The following C1orf146 variants were observed in gnomAD, a reference collection of about 807,000 sequenced individuals.
The protein encoded by C1orf146 is chromosome 1 open reading frame 146, also known as protein SPO16 homolog.
In C1orf146, 22 loss-of-function variants were observed where a neutral mutation model predicts 23.0. The ratio of observed to expected loss-of-function variants is 0.96; its 90% CI spans 0.68 to 1.36. The LOEUF is 1.36. C1orf146 is among the 40% of genes most tolerant of loss of function. The pLI is 0.00. For missense variants in C1orf146, 199 were observed against 206.8 expected, an observed-to-expected ratio of 0.96 and a Z score of 0.23; for synonymous variants, 59 against 65.3, an observed-to-expected ratio of 0.90 and a Z score of 0.47.
In C1orf146 at chr1:92,229,179, G is replaced by T. The variant is rs1032895874; in HGVS notation, c.-39-2203G>T. 9 of 534,696 alleles carry T rather than the reference G, an allele frequency of 1.7e-5. No homozygotes were observed. The Admixed American group carries it at 1.8e-4, about 11-fold the overall frequency. The allele number at this position is 534,696 out of a possible 1,614,324, so 33.1% of individuals were successfully genotyped here. On this transcript the variant is annotated intron_variant, in intron 1 of 5. Transcript: ENST00000370375. ...GATCTTGATCTTCATGGTGCTAGGT[G>T]CCAGGGCAGTGATTGCCTTCTGCAT...
chr1:92,244,298 T>C lies in C1orf146; in HGVS notation c.242T>C (p.Ile81Thr). 6.2e-7 allele frequency: 1 copy of C among 1,611,428 alleles called. No homozygotes were observed. Among genetic ancestry groups the C allele is most frequent in the Non-Finnish European group, 8.5e-7 (1 of 1,177,886 alleles). Residue 81 changes from isoleucine (I) to threonine (T), a missense_variant, in exon 4 of 6, where the codon ATT becomes ACT. Transcript: ENST00000370375. The stretch of plus-strand genomic sequence containing the variant: ...TTTCTAGCCAAAATTGAGAAATTTA[T>C]TAACATTCACCAAAATAGTTTTTTG... ...EIFLAKIEKFINIHQNSFLVL... is the reference protein window; with the variant it reads ...EIFLAKIEKFTNIHQNSFLVL...
intron 1 of C1orf146, among the ~76,000 whole-genome samples, chr1:92,230,765 C>T (rs1386527281): frequency 6.6e-6 from 1 of 152,006 alleles, no homozygotes; most frequent in Admixed American, 6.6e-5. Flanking sequence ...GAGTGAGACC[C>T]TCTTTAAAAA....
chr1:92,235,087 G>A (rs1474431269), intron 2 of C1orf146, among the ~76,000 whole-genome samples: 1 of 151,790 alleles, frequency 6.6e-6, no homozygotes, highest in African/African-American at 2.4e-5. Flanking sequence ...TTTTTTGAAG[G>A]GTTTTTTGTG....
chr1:92,244,951 A>C, intron 5 of C1orf146, 94 bp downstream of exon 5: 149 of 723,344 alleles, frequency 2.1e-4, no homozygotes, highest in East Asian at 3.0e-4. Flanking sequence ...GGCAAATATC[A>C]TGCTTCTGTT....
Position 92,242,217 on chromosome 1 carries a change from T to C in C1orf146, c.72T>C (p.Tyr24=), listed in dbSNP as rs772856385. The change falls in exon 3 of 6, where the codon TAT becomes TAC. Residue 24 remains tyrosine (Y), a synonymous_variant. Transcript: ENST00000370375. ...TCTGATATTTTTTAAAAAAGAGTTA[T>C]GAAGTTGCAACTGCCCTAGAAAATC... ...TIIISSSLKS[Y]EVATALENRS... 1.3e-5 allele frequency: 21 copies of C among 1,571,192 alleles called. No individual in the cohort carries two copies. The highest frequency in any genetic ancestry group is 1.7e-5 in the Admixed American group (1 of 57,244).
chr1:92,244,198 T>C lies in C1orf146; in HGVS notation c.161-19T>C, dbSNP rs200386451. The C allele has an allele frequency of 3.2e-3, 4,970 of 1,532,864 alleles. 26 individuals carry two copies. The highest frequency in any genetic ancestry group is 0.012 in the Middle Eastern group (59 of 5,100). 95.0% of individuals were successfully genotyped at this position (1,532,864 alleles called of 1,614,324 possible). ...CTCTATAACAAAGTGACATTTTATATTCAATTCACCTTTCCTAGGAGTTGC... is the reference window on the plus strand; with the variant it reads ...CTCTATAACAAAGTGACATTTTATACTCAATTCACCTTTCCTAGGAGTTGC... On this transcript the variant is annotated intron_variant, in intron 3 of 5. Transcript: ENST00000370375.
At chr1:92,230,197 C>T (rs955305387) in intron 1 of C1orf146, among the ~76,000 whole-genome samples, 1 of 151,920 alleles carries the variant, frequency 6.6e-6, no homozygotes, top group Non-Finnish European at 1.5e-5. Context: ...GGTGCAGTGG[C>T]TCACACTTGT....
At chr1:92,240,095 G>A (rs1414018568) in intron 2 of C1orf146, among the ~76,000 whole-genome samples, 1 of 152,200 alleles carries the variant, frequency 6.6e-6, no homozygotes, top group African/African-American at 2.4e-5. Flanking sequence ...GAGTGCTTCT[G>A]CAAGGTGCTT....
intron 3 of C1orf146, among the ~76,000 whole-genome samples, chr1:92,243,417 G>A (rs1466028137): frequency 2.0e-5 from 3 of 151,886 alleles, no homozygotes; most frequent in Non-Finnish European, 2.9e-5. Flanking sequence ...TGTGATCTCA[G>A]CTCACTGCAA....
chr1:92,233,787 G>T (rs1375037220), intron 2 of C1orf146, among the ~76,000 whole-genome samples: 3 of 152,094 alleles, frequency 2.0e-5, no homozygotes, highest in Non-Finnish European at 2.9e-5. Flanking sequence ...TAATTTCATT[G>T]AGCAGTGGTT....
chr1:92,244,490 T>C (rs1652519502), intron 4 of C1orf146, 105 bp downstream of exon 4: 2 of 843,176 alleles, frequency 2.4e-6, no homozygotes, highest in Admixed American at 5.8e-5. Flanking sequence ...AACACTGTGA[T>C]GTTAACCTAT....
chr1:92,234,505 C>T (rs1172411302), intron 2 of C1orf146, among the ~76,000 whole-genome samples: 3 of 152,126 alleles, frequency 2.0e-5, no homozygotes, highest in African/African-American at 7.2e-5. Context: ...CTGCTGCATT[C>T]GGTTTGCCAG....
At chr1:92,243,122 A>G (rs192770669) in intron 3 of C1orf146, among the ~76,000 whole-genome samples, 2 of 152,318 alleles carry the variant, frequency 1.3e-5, no homozygotes, top group Admixed American at 6.5e-5. Context: ...AAATCTAACA[A>G]AAAATTTACT....
intron 2 of C1orf146, among the ~76,000 whole-genome samples, chr1:92,236,042 G>T (rs566925908): frequency 3.3e-5 from 5 of 152,132 alleles, no homozygotes; most frequent in Admixed American, 2.6e-4. Flanking sequence ...ACAGCACACC[G>T]ATGGGTCTTG....
intron 1 of C1orf146, chr1:92,229,449 G>T: frequency 2.0e-6 from 1 of 508,516 alleles, no homozygotes; most frequent in Non-Finnish European, 3.9e-6. Flanking sequence ...TTTGTCATCA[G>T]CTGTAGCTGT....
intron 1 of C1orf146, chr1:92,229,339 C>T (rs1291680028): frequency 7.3e-6 from 4 of 546,524 alleles, no homozygotes; most frequent in Non-Finnish European, 1.5e-5. Flanking sequence ...GATTCCATGC[C>T]CAGGAAGGAA....
chr1:92,218,813 G>T (rs1233059937), intron 1 of C1orf146, among the ~76,000 whole-genome samples: 1 of 152,128 alleles, frequency 6.6e-6, no homozygotes, highest in Admixed American at 6.5e-5. Flanking sequence ...CTAACCAGAG[G>T]TGACGTGATT....
Position 92,244,273 on chromosome 1 carries a change from T to A in C1orf146, c.217T>A (p.Phe73Ile). The change falls in exon 4 of 6, where the codon TTT (phenylalanine) becomes ATT (isoleucine). Residue 73 changes from phenylalanine (F) to isoleucine (I), a missense_variant. Physicochemically the swap from Phe to Ile is conservative, Grantham distance 21. Coordinates refer to ENST00000370375, the MANE Select transcript of C1orf146 (RefSeq NM_001012425.2). ...ATGTCTTCTGTCAACTGAAGAAATA[T>A]TTCTAGCCAAAATTGAGAAATTTAT... ...KECLLSTEEI[F>I]LAKIEKFINI... 1 of 1,609,620 alleles carries A rather than the reference T, an allele frequency of 6.2e-7. No homozygotes were observed. Among genetic ancestry groups the A allele is most frequent in the Non-Finnish European group, 8.5e-7 (1 of 1,177,042 alleles).
chr1:92,230,528 A>C (rs1652093848), intron 1 of C1orf146, among the ~76,000 whole-genome samples: 1 of 151,772 alleles, frequency 6.6e-6, no homozygotes, highest in African/African-American at 2.4e-5. Flanking sequence ...AGGCAGGAGA[A>C]TGGCATGAAC....
Sources: gnomAD v4.1 joint callset for allele counts (sites outside exome capture counted in the v4.1 genomes callset) on GRCh38, gnomAD v4.1.1 for gene constraint, MANE v1.5 for transcripts, NCBI Gene and HGNC (gene_info 2026-07-23, HGNC 2026-07-21) for gene names.